The following AGBL1 variants were observed in gnomAD, a reference collection of about 807,000 sequenced individuals.
AGBL1 encodes the protein AGBL carboxypeptidase 1.
AGBL1 carries 130 observed loss-of-function variants against 118.9 expected under a neutral mutation model. The observed-to-expected ratio is 1.09, with a 90% CI of 0.95 to 1.26. AGBL1 has a LOEUF of 1.26. Ranked by LOEUF, AGBL1 falls within the 50% of genes most tolerant of loss-of-function variation. The pLI is 0.00. For synonymous variants in AGBL1, 555 were observed against 478.9 expected, an observed-to-expected ratio of 1.16 and a Z score of -2.08; for missense variants, 1,584 against 1,298.1, an observed-to-expected ratio of 1.22 and a Z score of -3.38.
rs577680641 is a variant in AGBL1, at chr15:86,408,210, T to C, written c.2555+10664T>C. On this transcript the variant is annotated intron_variant, in intron 18 of 22. Transcript: ENST00000614907. ...CTGTAGGAGAAAGTTCTCTATGTTC[T>C]GTGGCCTCTGGGAAATGAATAATTC... 2.0e-5 allele frequency among the ~76,000 whole-genome samples: 3 copies of C among 152,226 alleles called. No individual in the cohort carries two copies. The South Asian group carries it at 6.2e-4, about 32-fold the overall frequency.
chr15:86,115,226 G>C (rs1260211794), intron 1 of AGBL1, among the ~76,000 whole-genome samples: 3 of 152,114 alleles, frequency 2.0e-5, no homozygotes, highest in African/African-American at 7.2e-5. Context: ...CATGATGCAG[G>C]GGAGTACCAT....
chr15:86,735,752 A>G (rs2077586515), intron 22 of AGBL1, among the ~76,000 whole-genome samples: 1 of 152,014 alleles, frequency 6.6e-6, no homozygotes. Context: ...AAAAATGAAT[A>G]AAATTGCTTG....
At chr15:86,164,568 C>T (rs2077311301) in intron 5 of AGBL1, among the ~76,000 whole-genome samples, 1 of 152,170 alleles carries the variant, frequency 6.6e-6, no homozygotes, top group Admixed American at 6.5e-5. Context: ...TTTCCACTGG[C>T]CACGTGCTTG....
intron 6 of AGBL1, among the ~76,000 whole-genome samples, chr15:86,225,267 C>T (rs2078344311): frequency 6.6e-6 from 1 of 151,946 alleles, no homozygotes. Context: ...CCCTCCACCC[C>T]TGTCTAACAG....
intron 18 of AGBL1, among the ~76,000 whole-genome samples, chr15:86,440,081 T>G (rs936458249): frequency 2.0e-5 from 3 of 152,212 alleles, no homozygotes; most frequent in Non-Finnish European, 4.4e-5. Context: ...TGACTAATTT[T>G]GCACCATAAT....
chr15:86,983,859 G>T (rs1203949050), intron 23 of AGBL1, among the ~76,000 whole-genome samples: 1 of 152,162 alleles, frequency 6.6e-6, no homozygotes, highest in African/African-American at 2.4e-5. Flanking sequence ...TATCCATGTT[G>T]TTGTGTACAT....
chr15:86,373,504 G>A (rs2080997390), intron 17 of AGBL1, among the ~76,000 whole-genome samples: 1 of 152,194 alleles, frequency 6.6e-6, no homozygotes. Context: ...ATGTGTCAGA[G>A]ATGAAATCTA....
At chr15:86,802,566 G>A (rs1163124894) in intron 22 of AGBL1, among the ~76,000 whole-genome samples, 1 of 152,080 alleles carries the variant, frequency 6.6e-6, no homozygotes, top group Non-Finnish European at 1.5e-5. Context: ...AATATGTAAT[G>A]TAGTAAATAT....
intron 22 of AGBL1, among the ~76,000 whole-genome samples, chr15:86,678,487 C>T (rs986070781): frequency 4.8e-4 from 73 of 151,904 alleles, no homozygotes; most frequent in Non-Finnish European, 7.5e-4. Context: ...TTAACCATCC[C>T]TTTTTTTAAA....
Position 86,485,118 on chromosome 15 carries a change from G to A in AGBL1, c.2556-37692G>A, listed in dbSNP as rs114822399. Among the ~76,000 whole-genome samples, 817 of 152,238 alleles carry A rather than the reference G, an allele frequency of 5.4e-3. 5 individuals carry two copies. The highest frequency in any genetic ancestry group is 0.018 in the African/African-American group (766 of 41,566). On this transcript the variant is annotated intron_variant, in intron 18 of 22. Transcript: ENST00000614907. ...CAGTCTAAATGCCACCAGAACAGGC[G>A]GGAATAGAAGATCTGCTAAGCCGTC...
At chr15:87,002,166 G>A (rs542642076) in intron 24 of AGBL1, among the ~76,000 whole-genome samples, 137 of 152,200 alleles carry the variant, frequency 9.0e-4, no homozygotes, top group African/African-American at 3.2e-3. Context: ...TAAGGTATAA[G>A]GAAGGGATCC....
At chr15:86,858,636 C>T (rs940598078) in intron 22 of AGBL1, among the ~76,000 whole-genome samples, 4 of 152,254 alleles carry the variant, frequency 2.6e-5, no homozygotes, top group Admixed American at 1.3e-4. Flanking sequence ...AAACTAACCC[C>T]CTTGCTCTCT....
chr15:86,247,683 G>C lies in AGBL1; in HGVS notation c.539G>C (p.Arg180Pro). ...AALLKSKSNG[R>P]RAVNRGYVTS... ...CCTTTGTTTTCAGAGTCGAACGGCCGCAGAGCAGTGAACCGAGGCTACGTC... is the reference window on the plus strand; with the variant it reads ...CCTTTGTTTTCAGAGTCGAACGGCCCCAGAGCAGTGAACCGAGGCTACGTC... The change falls in exon 7 of 23, where the codon CGC becomes CCC. Residue 180 changes from arginine to proline, a missense_variant. Transcript: ENST00000614907. 2.5e-6 allele frequency: 4 copies of C among 1,606,478 alleles called. No homozygotes were observed. Among genetic ancestry groups the C allele is most frequent in the Non-Finnish European group, 3.4e-6 (4 of 1,176,444 alleles).
Position 86,079,895 on chromosome 15 carries a change from C to G in AGBL1, c.-78C>G. ...CAGTCGTCTCCTGCGAGGCGGGCAG[C>G]GAGGTCAGCTTGGCAGCCGCTGCCT... On this transcript the variant is annotated 5_prime_UTR_variant, in exon 1 of 23. Transcript: ENST00000614907. 1 of 1,098,706 alleles carries G rather than the reference C, an allele frequency of 9.1e-7. No homozygotes were observed. The allele number at this position is 1,098,706 out of a possible 1,614,324, so 68.1% of individuals were successfully genotyped here.
At chr15:86,213,830 A>G (rs2078141368) in intron 5 of AGBL1, among the ~76,000 whole-genome samples, 2 of 152,210 alleles carry the variant, frequency 1.3e-5, no homozygotes, top group African/African-American at 2.4e-5. Flanking sequence ...TATACTCACA[A>G]TATTGTAGAA....
intron 22 of AGBL1, among the ~76,000 whole-genome samples, chr15:86,683,981 G>A (rs530517498): frequency 4.6e-5 from 7 of 151,868 alleles, no homozygotes; most frequent in African/African-American, 1.4e-4. Flanking sequence ...GGCTCTTACC[G>A]AAGAGCTAGT....
intron 1 of AGBL1, among the ~76,000 whole-genome samples, chr15:86,101,602 T>A (rs1056800330): frequency 2.6e-5 from 4 of 152,170 alleles, no homozygotes; most frequent in African/African-American, 9.6e-5. Flanking sequence ...GTTCAACTAA[T>A]TCCTTTATCA....
intron 9 of AGBL1, among the ~76,000 whole-genome samples, chr15:86,260,997 C>A (rs1015959958): frequency 6.6e-6 from 1 of 152,202 alleles, no homozygotes; most frequent in Non-Finnish European, 1.5e-5. Flanking sequence ...TGGTCTCTGT[C>A]ACAACTATTA....
chr15:86,392,641 G>GTTTTTACTCAAC (rs1396305183), intron 17 of AGBL1, among the ~76,000 whole-genome samples: 1 of 152,134 alleles, frequency 6.6e-6, no homozygotes, highest in Non-Finnish European at 1.5e-5. Flanking sequence ...CATGTCTTCA[G>GTTTTTACTCAAC]TTTTTACTCA....
Sources: gnomAD v4.1 joint callset for allele counts (sites outside exome capture counted in the v4.1 genomes callset) on GRCh38, gnomAD v4.1.1 for gene constraint, MANE v1.5 for transcripts, NCBI Gene and HGNC (gene_info 2026-07-23, HGNC 2026-07-21) for gene names.